The following WDR33 variants were observed in gnomAD, a reference collection of about 807,000 sequenced individuals.
WDR33 encodes pre-mRNA 3' end processing protein WDR33.
WDR33 carries 47 observed loss-of-function variants against 164.9 expected under a neutral mutation model. The observed-to-expected ratio is 0.29, with a 90% confidence interval of 0.23 to 0.36. The LOEUF (loss-of-function observed/expected upper bound fraction) is 0.36. WDR33 is among the 10% of genes least tolerant of loss of function. The pLI is 1.00. For missense variants in WDR33, 1,137 were observed against 1,754.1 expected (o/e 0.65, Z 6.28); for synonymous variants, 505 against 589.0 (o/e 0.86, Z 2.06).
intron 7 of WDR33, among the ~76,000 whole-genome samples, chr2:127,753,115 CG>C (rs1160180800): frequency 2.0e-5 from 3 of 151,946 alleles, no homozygotes; most frequent in Non-Finnish European, 4.4e-5. Context: ...TTAGTAGAGA[CG>C]GGGTTTCACC....
chr2:127,765,004 A>C, intron 5 of WDR33, 25 bp from the exon 6 acceptor site: 1 of 1,610,214 alleles, frequency 6.2e-7, no homozygotes, highest in Non-Finnish European at 8.5e-7. Context: ...AACATTAATT[A>C]GTAAGGTGCT....
In WDR33 at chr2:127,794,833, CAAAAAAAA is replaced by C. The variant is rs990234716; in HGVS notation, c.-24+16171_-24+16178del. Among the ~76,000 whole-genome samples the C allele has an allele frequency of 9.3e-3, 737 of 79,300 alleles. 8 individuals are homozygous for C. The highest frequency in any genetic ancestry group is 0.027 in the African/African-American group (690 of 25,436). The allele number at this position is 79,300 out of a possible 152,430, so 52.0% of individuals were successfully genotyped here. ...TGGGCGACAAAGCGAGACTCCGTTT[CAAAAAAAA>C]AAAAAAAAAAAGAAAGAAAGAAAGA... On this transcript the variant is annotated intron_variant, in intron 1 of 21. Coordinates refer to ENST00000322313, the MANE Select transcript of WDR33 (RefSeq NM_018383.5).
chr2:127,726,610 C>A lies in WDR33; in HGVS notation c.851+41G>T. On this transcript the variant is annotated intron_variant, in intron 8 of 21. Transcript: ENST00000322313. The surrounding 1 kb of genome is among the most constrained non-coding windows in gnomAD (Gnocchi z 4.8). ...AAGTTAAAGGACACACTGCTTTGCT[C>A]CCCTTTGTTCAGGGGCCAAGGTGGG... is the stretch of plus-strand genomic sequence containing the variant. 6.2e-7 allele frequency: 1 copy of A among 1,606,434 alleles called. No homozygotes were observed. The highest frequency in any genetic ancestry group is 1.1e-5 in the South Asian group (1 of 89,800).
At chr2:127,748,941 T>C (rs933492770) in intron 7 of WDR33, among the ~76,000 whole-genome samples, 6 of 148,730 alleles carry the variant, frequency 4.0e-5, no homozygotes, top group Non-Finnish European at 8.9e-5. Context: ...ATCTGGATAG[T>C]ATGTTAGCTG....
At position 127,722,565 on chromosome 2, in the gene WDR33, G is replaced by C; in HGVS notation, c.1518+26C>G. ...TAACCAACCAAAACCTCTCTGCGTG[G>C]ATGAGGTGGAGTCACTTTTACTTAC... On this transcript the variant is annotated intron_variant, in intron 14 of 21. Coordinates refer to ENST00000322313, the MANE Select transcript of WDR33 (RefSeq NM_018383.5). This position sits in a 1 kb window ranked among gnomAD's most constrained non-coding sequence, Gnocchi z 5.1. The C allele has an allele frequency of 6.2e-7, 1 of 1,608,580 alleles. No individual in the cohort carries two copies. Among genetic ancestry groups the C allele is most frequent in the African/African-American group, 1.3e-5 (1 of 74,838 alleles).
chr2:127,705,173 G>A lies in WDR33; in HGVS notation c.*1150C>T, dbSNP rs1685983447. Reference sequence around the variant, plus strand: ...GCTGCCAATGTAATGAAATGTTAAGGTGGCCATAGGACAGTCCTTTTAATA... The same window carrying A: ...GCTGCCAATGTAATGAAATGTTAAGATGGCCATAGGACAGTCCTTTTAATA... On this transcript the variant is annotated 3_prime_UTR_variant, in exon 22 of 22. Transcript: ENST00000322313. The surrounding 1 kb of genome is among the most constrained non-coding windows in gnomAD (Gnocchi z 4.5). 1 of 167,106 alleles carries A rather than the reference G, an allele frequency of 6.0e-6. No homozygotes were observed. The highest frequency in any genetic ancestry group is 1.5e-5 in the Non-Finnish European group (1 of 68,132). 10.4% of individuals were successfully genotyped at this position (167,106 alleles called of 1,614,324 possible). A position where few individuals can be genotyped will look rare whatever the true frequency, so the allele number is the denominator to read the frequency against.
chr2:127,750,719 TATGCATACATATATATGTATGC>T (rs1687324967), intron 7 of WDR33, among the ~76,000 whole-genome samples: 1 of 61,082 alleles, frequency 1.6e-5, no homozygotes, highest in African/African-American at 8.3e-5. Context: ...TATATGTATG[TATGCATACATATATATGTATGC>T]ATACATATAT....
chr2:127,736,346 T>C, intron 7 of WDR33: 1 of 985,396 alleles, frequency 1.0e-6, no homozygotes. Context: ...GTAATGTGTA[T>C]TTCTTTACTG....
chr2:127,769,571 A>C (rs1267717913), intron 2 of WDR33, among the ~76,000 whole-genome samples: 1 of 152,228 alleles, frequency 6.6e-6, no homozygotes, highest in East Asian at 1.9e-4. Flanking sequence ...AGAGGGTAGA[A>C]AGACATCCCC....
intron 7 of WDR33, chr2:127,762,670 T>C: frequency 9.9e-7 from 1 of 1,008,318 alleles, no homozygotes; most frequent in Non-Finnish European, 1.2e-6. Context: ...TACCTCTATC[T>C]TGTCGGTTAA....
intron 7 of WDR33, among the ~76,000 whole-genome samples, chr2:127,728,475 C>T (rs896791459): frequency 3.9e-5 from 6 of 152,090 alleles, no homozygotes; most frequent in Non-Finnish European, 8.8e-5. Context: ...ATTCTCTCTC[C>T]CCATGTTTAT....
chr2:127,755,609 C>A (rs1029622981), intron 7 of WDR33, among the ~76,000 whole-genome samples: 1 of 152,184 alleles, frequency 6.6e-6, no homozygotes, highest in Non-Finnish European at 1.5e-5. Flanking sequence ...TGCATGTGTG[C>A]GTACCTGTGG....
At chr2:127,788,218 C>T (rs1324387353) in intron 1 of WDR33, among the ~76,000 whole-genome samples, 378 of 122,888 alleles carry the variant, frequency 3.1e-3, no homozygotes, top group South Asian at 4.8e-3. Context: ...ACCTCCCTCC[C>T]GGACAGGGCG....
chr2:127,736,136 C>T, intron 7 of WDR33: 1 of 985,408 alleles, frequency 1.0e-6, no homozygotes, highest in Non-Finnish European at 1.2e-6. Context: ...TATTACAAAT[C>T]TGTGGGAGAA....
At chr2:127,788,043 G>A (rs1451616539) in intron 1 of WDR33, among the ~76,000 whole-genome samples, 4 of 84,748 alleles carry the variant, frequency 4.7e-5, no homozygotes, top group East Asian at 3.6e-4. Flanking sequence ...CCTCCCTCCC[G>A]GACGGGGCGG....
At chr2:127,768,132 C>T in intron 4 of WDR33, 57 bp downstream of exon 4, 1 of 1,093,006 alleles carries the variant, frequency 9.1e-7, no homozygotes, top group Non-Finnish European at 1.3e-6. Context: ...CTGTCAAATA[C>T]ATTTGCTATA....
chr2:127,707,743 T>C (rs1686055053), intron 21 of WDR33, among the ~76,000 whole-genome samples: 1 of 152,062 alleles, frequency 6.6e-6, no homozygotes, highest in African/African-American at 2.4e-5. Context: ...GGCAGGTGGA[T>C]CACTTGAGGC....
At chr2:127,736,306 G>T (rs963984353) in intron 7 of WDR33, 52 of 985,360 alleles carry the variant, frequency 5.3e-5, no homozygotes, top group Non-Finnish European at 6.1e-5. Context: ...CTGGGGAAGG[G>T]CATGTAAAGG....
chr2:127,771,914 G>T (rs1688016196), intron 1 of WDR33, among the ~76,000 whole-genome samples: 1 of 152,150 alleles, frequency 6.6e-6, no homozygotes, highest in Non-Finnish European at 1.5e-5. Context: ...GAGGCAGGGT[G>T]TGTATGTGTG....
Sources: allele counts gnomAD v4.1 joint callset (sites outside exome capture counted in the v4.1 genomes callset), GRCh38; gene constraint gnomAD v4.1.1; non-coding constraint Gnocchi (gnomAD v3.1); transcripts MANE v1.5; gene names NCBI Gene and HGNC (gene_info 2026-07-23, HGNC 2026-07-21).